GNL2: variants seen among roughly 807,000 people sequenced by gnomAD.
GNL2 encodes G protein nucleolar 2.
In GNL2, 51 loss-of-function variants were observed where a neutral mutation model predicts 92.3. The ratio of observed to expected loss-of-function variants is 0.55; its 90% confidence interval spans 0.44 to 0.70. GNL2 has a LOEUF of 0.70. Among genes scored for constraint, GNL2 ranks in the 30% least tolerant of loss-of-function variants. GNL2 has a pLI of 0.00. For synonymous variants in GNL2, 283 were observed against 300.6 expected (o/e 0.94, Z 0.61); for missense variants, 844 against 895.6 (o/e 0.94, Z 0.74).
chr1:37,567,122 A>AG, intron 15 of GNL2, 115 bp from the exon 16 acceptor site: 1 of 1,094,946 alleles, frequency 9.1e-7, no homozygotes, highest in Non-Finnish European at 1.3e-6. Flanking sequence ...TGCTGCTTCC[A>AG]CAGCTACTGG....
rs368064874 is a variant in GNL2, at chr1:37,576,448, G to A, written c.1018C>T (p.Pro340Ser). 2 of 1,613,696 alleles carry A rather than the reference G, an allele frequency of 1.2e-6. No homozygotes were observed. Among genetic ancestry groups the A allele is most frequent in the Non-Finnish European group, 1.7e-6 (2 of 1,179,870 alleles). ...CGTACCTTTGTTTCACCTGCAATGG[G>A]AGCCACGTTGCAAACTTTCTTAGAA... The part of the protein sequence containing the change: ...LRSKKVCNVA[P>S]IAGETKVWQY... The change falls in exon 9 of 16, where the codon CCC (proline) becomes TCC (serine). Residue 340 changes from proline (P) to serine (S), a missense_variant. Transcript: ENST00000373062.
Position 37,584,007 on chromosome 1 carries a change from A to G in GNL2, c.570-74T>C, listed in dbSNP as rs1046817705. 13 of 871,398 alleles carry G rather than the reference A, an allele frequency of 1.5e-5. No homozygotes were observed. In the African/African-American group the frequency reaches 2.1e-4, roughly 14 times the overall value. 54.0% of individuals were successfully genotyped at this position (871,398 alleles called of 1,614,324 possible). A position where few individuals can be genotyped will look rare whatever the true frequency, so the allele number is the denominator to read the frequency against. On this transcript the variant is annotated intron_variant, in intron 5 of 15. Coordinates refer to ENST00000373062, the MANE Select transcript of GNL2 (RefSeq NM_013285.3). ...AAAAGGATGCTTTAGGGTAAAGTCA[A>G]TGTACCAAAAAAAACAGTATCAAAC...
chr1:37,568,397 G>T, intron 13 of GNL2, 40 bp from the exon 14 acceptor site: 1 of 1,311,618 alleles, frequency 7.6e-7, no homozygotes, highest in Non-Finnish European at 1.1e-6. Flanking sequence ...CCTCTCACTC[G>T]CCCGAATCAC....
chr1:37,574,461 A>G lies in GNL2; in HGVS notation c.1303-5T>C. ...CTGCAAGTCGGGCTCTCCACCCTGAAAGGTCACAAAGAGATTCCCAATTAA... is the reference window on the plus strand; with the variant it reads ...CTGCAAGTCGGGCTCTCCACCCTGAGAGGTCACAAAGAGATTCCCAATTAA... On this transcript the variant is annotated splice_polypyrimidine_tract_variant and splice_region_variant and intron_variant, in intron 11 of 15. Transcript: ENST00000373062. 1 of 1,607,378 alleles carries G rather than the reference A, an allele frequency of 6.2e-7. No individual in the cohort carries two copies. The highest frequency in any genetic ancestry group is 8.5e-7 in the Non-Finnish European group (1 of 1,174,060).
chr1:37,595,840 G>C lies in GNL2; in HGVS notation c.-18C>G. On this transcript the variant is annotated 5_prime_UTR_variant, in exon 1 of 16. Coordinates refer to ENST00000373062, the MANE Select transcript of GNL2 (RefSeq NM_013285.3). ...TTCACCATCTTGGCGACGAGACCGG[G>C]ACCGGAGTGCGAGGTCCGGCTTACG... 6.2e-7 allele frequency: 1 copy of C among 1,612,408 alleles called. No individual in the cohort carries two copies. Among genetic ancestry groups the C allele is most frequent in the East Asian group, 2.2e-5 (1 of 44,872 alleles).
chr1:37,584,039 G>A, intron 5 of GNL2, 106 bp from the exon 6 acceptor site: 1 of 728,114 alleles, frequency 1.4e-6, no homozygotes, highest in East Asian at 2.5e-5. Flanking sequence ...AAACCCAGTT[G>A]GAGATGGACC....
rs1643671225 is a variant in GNL2 at position 37,575,984 on chromosome 1, T to C, written c.1039-285A>G. 6.6e-6 allele frequency among the ~76,000 whole-genome samples: 1 copy of C among 152,212 alleles called. No homozygotes were observed. The highest frequency in any genetic ancestry group is 2.4e-5 in the African/African-American group (1 of 41,442). ...TACCCGGTGAACCTTTCCTGAGTTT[T>C]AGAAGTACTCTTGAGAGCTTAGTAC... On this transcript the variant is annotated intron_variant, in intron 9 of 15. Coordinates refer to ENST00000373062, the MANE Select transcript of GNL2 (RefSeq NM_013285.3). This position sits in a 1 kb window ranked among gnomAD's most constrained non-coding sequence, Gnocchi z 4.1.
chr1:37,576,611 A>C, intron 8 of GNL2, 55 bp from the exon 9 acceptor site: 1 of 1,559,148 alleles, frequency 6.4e-7, no homozygotes, highest in Non-Finnish European at 8.7e-7. Flanking sequence ...ATCCCTTTGG[A>C]CAAGTAGGTT....
chr1:37,574,937 G>A (rs1248400581), intron 10 of GNL2, 114 bp from the exon 11 acceptor site: 1 of 728,074 alleles, frequency 1.4e-6, no homozygotes, highest in East Asian at 2.6e-5. Flanking sequence ...AAAGCTCGTG[G>A]AGATTGGCAG....
rs145327789 is a variant in GNL2, at chr1:37,590,983, A to C, written c.245-138T>G. The C allele has an allele frequency of 2.9e-4, 224 of 772,852 alleles. 2 individuals carry two copies. In the East Asian group the frequency reaches 5.9e-3, roughly 20 times the overall value. 47.9% of individuals were successfully genotyped at this position (772,852 alleles called of 1,614,324 possible). A position where few individuals can be genotyped will look rare whatever the true frequency, so the allele number is the denominator to read the frequency against. ...CCATCCATCCCTTGGAGCTGTTTTC[A>C]AACTTAAAAGAGGAAAAAACCAAAA... is the stretch of plus-strand genomic sequence containing the variant. On this transcript the variant is annotated intron_variant, in intron 3 of 15. Coordinates refer to ENST00000373062, the MANE Select transcript of GNL2 (RefSeq NM_013285.3).
intron 1 of GNL2, among the ~76,000 whole-genome samples, chr1:37,594,655 C>T (rs1643910564): frequency 6.6e-6 from 1 of 152,232 alleles, no homozygotes; most frequent in Non-Finnish European, 1.5e-5. Flanking sequence ...AATTCTTCCA[C>T]CTCAGCCTCC....
At chr1:37,569,668 G>T in intron 12 of GNL2, 1 of 205,234 alleles carries the variant, frequency 4.9e-6, no homozygotes, top group Non-Finnish European at 9.9e-6. Flanking sequence ...ATGAAGGCCA[G>T]GCTGGATGTT....
chr1:37,579,668 C>T (rs924737900), intron 8 of GNL2, among the ~76,000 whole-genome samples: 1 of 151,512 alleles, frequency 6.6e-6, no homozygotes, highest in Non-Finnish European at 1.5e-5. Context: ...GAGGCTGAGG[C>T]GGGCGGATCA....
intron 8 of GNL2, 72 bp from the exon 9 acceptor site, chr1:37,576,628 C>T (rs1404731742): frequency 2.9e-5 from 42 of 1,464,428 alleles, no homozygotes; most frequent in Non-Finnish European, 3.6e-5. Context: ...GGTTGTATTA[C>T]TTTGTTAATA....
chr1:37,567,987 A>C lies in GNL2; in HGVS notation c.1952-223T>G, dbSNP rs1347519504. 5 of 592,820 alleles carry C rather than the reference A, an allele frequency of 8.4e-6. No individual in the cohort carries two copies. The East Asian group carries it at 1.1e-4, about 13-fold the overall frequency. The allele number at this position is 592,820 out of a possible 1,614,324, so 36.7% of individuals were successfully genotyped here. ...TGATGGTCAAATGGAGGAATGGATA[A>C]ATGCAGGAAACACACCCCCCTCTTT... On this transcript the variant is annotated intron_variant, in intron 14 of 15. Coordinates refer to ENST00000373062, the MANE Select transcript of GNL2 (RefSeq NM_013285.3).
intron 6 of GNL2, chr1:37,583,165 G>A (rs1643799388): frequency 3.0e-6 from 1 of 336,444 alleles, no homozygotes. Context: ...AACTAGCTTA[G>A]ATGAAACTCA....
intron 5 of GNL2, 140 bp from the exon 6 acceptor site, chr1:37,584,073 T>C (rs1002790759): frequency 3.1e-6 from 2 of 642,670 alleles, no homozygotes; most frequent in African/African-American, 3.6e-5. Flanking sequence ...ATTTAAAAAG[T>C]GTGCCCAAAT....
chr1:37,573,490 G>C (rs1032270968), intron 12 of GNL2, among the ~76,000 whole-genome samples: 8 of 152,352 alleles, frequency 5.3e-5, no homozygotes, highest in Non-Finnish European at 8.8e-5. Context: ...TCTGGCCCCA[G>C]CCTTCAGTCT....
Position 37,595,777 on chromosome 1 carries a change from T to C in GNL2, c.46A>G (p.Lys16Glu). The change falls in exon 1 of 16, where the codon AAG becomes GAG. Residue 16 changes from lysine to glutamate, a missense_variant. Lys to Glu is a moderately conservative substitution (Grantham distance 56). Transcript: ENST00000373062. Reference sequence around the variant, plus strand: ...CCTGTACCTGGGTTTGTGCTGGCCTTGGACGGGTTGATGGTGCTCCGTCCT... The same window carrying C: ...CCTGTACCTGGGTTTGTGCTGGCCTCGGACGGGTTGATGGTGCTCCGTCCT... Reference protein sequence around the residue: ...YKGRSTINPSKASTNPDRVQG... With the variant: ...YKGRSTINPSEASTNPDRVQG... The C allele has an allele frequency of 6.2e-7, 1 of 1,614,218 alleles. No homozygotes were observed. The highest frequency in any genetic ancestry group is 1.1e-5 in the South Asian group (1 of 91,090).
Sources: gnomAD v4.1 joint callset for allele counts (sites outside exome capture counted in the v4.1 genomes callset) on GRCh38, gnomAD v4.1.1 for gene constraint, Gnocchi (gnomAD v3.1) non-coding constraint, MANE v1.5 for transcripts, NCBI Gene and HGNC (gene_info 2026-07-23, HGNC 2026-07-21) for gene names.